ARID3B: variants seen among roughly 807,000 people sequenced by gnomAD.
ARID3B encodes the protein AT-rich interactive domain-containing protein 3B.
ARID3B carries 10 observed loss-of-function variants against 51.9 expected under a neutral mutation model. The observed-to-expected ratio is 0.19, with a 90% CI of 0.12 to 0.33. ARID3B has a LOEUF of 0.33. ARID3B is among the 10% of genes least tolerant of loss of function. The probability of loss-of-function intolerance (pLI) is 1.00; values close to 1 mark genes in which losing one functional copy is unlikely to be tolerated. For synonymous variants in ARID3B, 205 were observed against 279.5 expected, an observed-to-expected ratio of 0.73 and a Z score of 2.66; for missense variants, 483 against 716.3, an observed-to-expected ratio of 0.67 and a Z score of 3.72.
intron 8 of ARID3B, among the ~76,000 whole-genome samples, chr15:74,595,000 T>C (rs1243905772): frequency 3.3e-5 from 5 of 152,128 alleles, no homozygotes; most frequent in Non-Finnish European, 5.9e-5. Flanking sequence ...TCCTTCCCTC[T>C]CAGAATGAGG....
chr15:74,583,189 G>A (rs1035875688), intron 4 of ARID3B, among the ~76,000 whole-genome samples: 1 of 151,992 alleles, frequency 6.6e-6, no homozygotes, highest in Non-Finnish European at 1.5e-5. Context: ...TACAGAGTGA[G>A]ACTCCACCTA....
rs369699047 is a variant in ARID3B at position 74,579,942 on chromosome 15, G to A, written c.697+6738G>A. ...GCATTGGCTCATGCCTGTAATCCCA[G>A]CACTTTGGGAGGCCAAGGCAGGTGG... On this transcript the variant is annotated intron_variant, in intron 4 of 8. Coordinates refer to ENST00000346246, the MANE Select transcript of ARID3B (RefSeq NM_006465.4). Among the ~76,000 whole-genome samples the A allele has an allele frequency of 4.5e-4, 69 of 152,032 alleles. 1 individual carries two copies. The highest frequency in any genetic ancestry group is 1.6e-3 in the African/African-American group (65 of 41,476).
At chr15:74,557,879 T>G (rs1244201840) in intron 2 of ARID3B, among the ~76,000 whole-genome samples, 2 of 147,980 alleles carry the variant, frequency 1.4e-5, no homozygotes, top group African/African-American at 5.0e-5. Context: ...TGGAGTGCAG[T>G]GGCATGATCT....
intron 2 of ARID3B, among the ~76,000 whole-genome samples, chr15:74,569,361 A>T (rs957578573): frequency 1.3e-5 from 2 of 151,998 alleles, no homozygotes; most frequent in Non-Finnish European, 2.9e-5. Context: ...TATTATTATT[A>T]TTTTTGGTAG....
chr15:74,572,661 A>T (rs772750609), intron 2 of ARID3B, among the ~76,000 whole-genome samples: 1 of 152,104 alleles, frequency 6.6e-6, no homozygotes, highest in Non-Finnish European at 1.5e-5. Flanking sequence ...TTTATTTTGG[A>T]ACCAAATCAA....
intron 1 of ARID3B, among the ~76,000 whole-genome samples, chr15:74,542,592 G>T (rs960163691): frequency 6.6e-6 from 1 of 152,172 alleles, no homozygotes; most frequent in African/African-American, 2.4e-5. Context: ...TTACTTCTCC[G>T]TGAATTTTTG....
At chr15:74,593,309 GCCTCTTAC>G in intron 8 of ARID3B, 73 bp downstream of exon 8, 1 of 1,395,166 alleles carries the variant, frequency 7.2e-7, no homozygotes, top group Non-Finnish European at 9.9e-7. Context: ...GGCTGGCCCT[GCCTCTTAC>G]CCTCTGTCTG....
chr15:74,588,235 TAA>T (rs34984821), intron 4 of ARID3B, among the ~76,000 whole-genome samples: 11 of 139,848 alleles, frequency 7.9e-5, no homozygotes, highest in Admixed American at 1.4e-4. Flanking sequence ...CCCTATCTTT[TAA>T]AAAAAAAAAA....
intron 2 of ARID3B, among the ~76,000 whole-genome samples, chr15:74,547,943 C>T (rs2061622064): frequency 6.6e-6 from 1 of 152,204 alleles, no homozygotes; most frequent in African/African-American, 2.4e-5. Flanking sequence ...AAATCCCTTA[C>T]TTAGAACATG....
chr15:74,546,172 G>A (rs2061614860), intron 2 of ARID3B, among the ~76,000 whole-genome samples: 1 of 152,208 alleles, frequency 6.6e-6, no homozygotes. Flanking sequence ...TTCCACGACA[G>A]CAGCACCCTG....
chr15:74,589,705 A>G, intron 4 of ARID3B, 115 bp from the exon 5 acceptor site: 1 of 1,137,022 alleles, frequency 8.8e-7, no homozygotes, highest in Non-Finnish European at 1.3e-6. Flanking sequence ...GTTAAATTAC[A>G]CTTCCAGGTT....
rs1488209764 is a variant in ARID3B, at chr15:74,579,872, T to TGTGTGTGTGC, written c.697+6669_697+6670insTGTGTGTGCG. On this transcript the variant is annotated intron_variant, in intron 4 of 8. Transcript: ENST00000346246. ...GTGTGTGTGTGTGTGTGTGTGTGTGTGCGCGCGCGCGCACACGCAAAAAAT... is the reference window on the plus strand; with the variant it reads ...GTGTGTGTGTGTGTGTGTGTGTGTGTGTGTGTGTGCGCGCGCGCGCGCACACGCAAAAAAT... Among the ~76,000 whole-genome samples the TGTGTGTGTGC allele has an allele frequency of 5.3e-3, 629 of 118,906 alleles. 3 individuals are homozygous for TGTGTGTGTGC. Among genetic ancestry groups the TGTGTGTGTGC allele is most frequent in the Non-Finnish European group, 7.1e-3 (431 of 60,894 alleles). The allele number at this position is 118,906 out of a possible 152,430, so 78.0% of individuals were successfully genotyped here.
chr15:74,546,127 T>A (rs1233727646), intron 2 of ARID3B, among the ~76,000 whole-genome samples: 1 of 152,200 alleles, frequency 6.6e-6, no homozygotes, highest in Non-Finnish European at 1.5e-5. Flanking sequence ...AGGGAGATAG[T>A]GGCAGAGCTA....
chr15:74,544,186 C>G lies in ARID3B; in HGVS notation c.250C>G (p.Arg84Gly). The G allele has an allele frequency of 2.5e-6, 4 of 1,613,894 alleles. No individual in the cohort carries two copies. Among genetic ancestry groups the G allele is most frequent in the Non-Finnish European group, 3.4e-6 (4 of 1,179,830 alleles). ...PTAAVAQVFE[R>G]GNMNSEPEEE... ...CGCAGCAGTGGCCCAAGTGTTTGAA[C>G]GGGGCAACATGAACTCAGAGCCTGA... is the stretch of plus-strand genomic sequence containing the variant. The change falls in exon 2 of 9, where the codon CGG becomes GGG. Residue 84 changes from arginine (R) to glycine (G), a missense_variant. Transcript: ENST00000346246.
intron 4 of ARID3B, among the ~76,000 whole-genome samples, chr15:74,579,089 G>A (rs1159488000): frequency 6.6e-6 from 1 of 152,336 alleles, no homozygotes; most frequent in East Asian, 1.9e-4. Context: ...ACAGCAGGCC[G>A]CCCCGAATGA....
At chr15:74,567,542 C>G (rs976388642) in intron 2 of ARID3B, among the ~76,000 whole-genome samples, 1 of 151,888 alleles carries the variant, frequency 6.6e-6, no homozygotes, top group Admixed American at 6.6e-5. Context: ...GTCTTTGCTT[C>G]TCAGGACAGA....
chr15:74,591,445 C>G lies in ARID3B; in HGVS notation c.1165+11C>G. ...CCACTCTCAGGAAAGGTCAGCAGGG[C>G]TCCTGGGGGAGAAGGAAGAAAGGGA... is the stretch of plus-strand genomic sequence containing the variant. On this transcript the variant is annotated intron_variant, in intron 6 of 8. Transcript: ENST00000346246. The surrounding 1 kb of genome is among the most constrained non-coding windows in gnomAD (Gnocchi z 5.8). The G allele has an allele frequency of 6.3e-7, 1 of 1,598,936 alleles. No individual in the cohort carries two copies. The highest frequency in any genetic ancestry group is 8.6e-7 in the Non-Finnish European group (1 of 1,168,568).
At chr15:74,560,645 G>A (rs1287589680) in intron 2 of ARID3B, among the ~76,000 whole-genome samples, 2 of 152,178 alleles carry the variant, frequency 1.3e-5, no homozygotes, top group South Asian at 2.1e-4. Flanking sequence ...ATACCATGGT[G>A]TCCTGTTGCC....
chr15:74,555,285 C>T (rs965331961), intron 2 of ARID3B, among the ~76,000 whole-genome samples: 3 of 151,824 alleles, frequency 2.0e-5, no homozygotes, highest in African/African-American at 7.3e-5. Context: ...GTGGCTGTGG[C>T]AATTTCATAG....
Sources: allele counts gnomAD v4.1 joint callset (sites outside exome capture counted in the v4.1 genomes callset), GRCh38; gene constraint gnomAD v4.1.1; non-coding constraint Gnocchi (gnomAD v3.1); transcripts MANE v1.5; gene names NCBI Gene and HGNC (gene_info 2026-07-23, HGNC 2026-07-21).